KHDRBS1: variants seen among roughly 807,000 people sequenced by gnomAD.
KHDRBS1 encodes the protein KH domain-containing, RNA-binding, signal transduction-associated protein 1.
A neutral mutation model predicts 48.4 loss-of-function variants in KHDRBS1; 7 were observed. The ratio of observed to expected loss-of-function variants is 0.14; its 90% CI spans 0.08 to 0.27. The LOEUF (loss-of-function observed/expected upper bound fraction) is 0.27. KHDRBS1 is among the 10% of genes least tolerant of loss of function. KHDRBS1 has a pLI of 1.00. For synonymous variants in KHDRBS1, 241 were observed against 235.8 expected (o/e 1.02, Z -0.20); for missense variants, 458 against 601.2 (o/e 0.76, Z 2.49).
At chr1:32,053,121 C>A (rs752933667) in intron 10 of KHDRBS1, among the ~76,000 whole-genome samples, 11 of 152,124 alleles carry the variant, frequency 7.2e-5, no homozygotes, top group Non-Finnish European at 1.3e-4. Context: ...ACACTATACT[C>A]CAGCTTGGGT....
chr1:32,013,924 C>T lies in KHDRBS1; in HGVS notation c.-72C>T. The T allele has an allele frequency of 1.5e-6, 2 of 1,332,986 alleles. No individual in the cohort carries two copies. Among genetic ancestry groups the T allele is most frequent in the African/African-American group, 1.5e-5 (1 of 64,908 alleles). 82.6% of individuals were successfully genotyped at this position (1,332,986 alleles called of 1,614,324 possible). A position where few individuals can be genotyped will look rare whatever the true frequency, so the allele number is the denominator to read the frequency against. On this transcript the variant is annotated 5_prime_UTR_variant, in exon 1 of 9. Coordinates refer to ENST00000327300, the MANE Select transcript of KHDRBS1 (RefSeq NM_006559.3). ...CGCTACCGCTCCCGCTCTGCCACCC[C>T]CGCCAACCGCCGCTCGGGCCTCCGT...
At chr1:32,055,377 G>A (rs1028457642) in intron 10 of KHDRBS1, among the ~76,000 whole-genome samples, 2 of 152,074 alleles carry the variant, frequency 1.3e-5, no homozygotes, top group African/African-American at 4.8e-5. Context: ...GAACCTGGGA[G>A]GCGGAGGTTG....
At chr1:32,056,300 G>C (rs1055813598) in intron 10 of KHDRBS1, among the ~76,000 whole-genome samples, 1 of 151,828 alleles carries the variant, frequency 6.6e-6, no homozygotes, top group South Asian at 2.1e-4. Flanking sequence ...GGGTGGGGGC[G>C]GGGGTTGTCC....
At chr1:32,056,708 T>C (rs1426758159) in intron 10 of KHDRBS1, among the ~76,000 whole-genome samples, 1 of 152,230 alleles carries the variant, frequency 6.6e-6, no homozygotes, top group African/African-American at 2.4e-5. Context: ...AGCAAACAAA[T>C]TCTGCATCTG....
rs566080736 is a variant in KHDRBS1, at chr1:32,018,227, G to A, written c.382+3850G>A. ...TGTAATCCCAGCACTTTGGGAGGCC[G>A]AGGCAGGCAAAGCACGAGGTCAGGA... On this transcript the variant is annotated intron_variant, in intron 1 of 8. Transcript: ENST00000327300. Among the ~76,000 whole-genome samples, 5 of 151,838 alleles carry A rather than the reference G, an allele frequency of 3.3e-5. No individual in the cohort carries two copies. The South Asian group carries it at 6.2e-4, about 19-fold the overall frequency.
chr1:32,037,956 C>T lies in KHDRBS1; in HGVS notation c.1027C>T (p.Pro343Ser), dbSNP rs769709814. 2 of 1,614,240 alleles carry T rather than the reference C, an allele frequency of 1.2e-6. No individual in the cohort carries two copies. Among genetic ancestry groups the T allele is most frequent in the South Asian group, 1.1e-5 (1 of 91,086 alleles). ...VPPPPTVRGA[P>S]APRARTAGIQ... ...ACCCCCACCTACTGTGAGGGGTGCT[C>T]CAGCACCAAGAGCACGGACAGCGGG... is the stretch of plus-strand genomic sequence containing the variant. Residue 343 changes from proline to serine, a missense_variant, in exon 6 of 9, where the codon CCA (proline) becomes TCA (serine). Physicochemically the swap from Pro to Ser is moderately conservative, Grantham distance 74. Coordinates refer to ENST00000327300, the MANE Select transcript of KHDRBS1 (RefSeq NM_006559.3).
At chr1:32,037,664 TG>T (rs993596348) in intron 5 of KHDRBS1, among the ~76,000 whole-genome samples, 170 bp from the exon 6 acceptor site, 1 of 152,216 alleles carries the variant, frequency 6.6e-6, no homozygotes, top group African/African-American at 2.4e-5. Context: ...CTATAGGACC[TG>T]GGGGATCTTG....
In KHDRBS1 at chr1:32,025,043, G is replaced by A. The variant is rs150816301; in HGVS notation, c.383-5255G>A. 1.6e-3 allele frequency among the ~76,000 whole-genome samples: 241 copies of A among 151,900 alleles called. 2 individuals are homozygous for A. The East Asian group carries it at 0.021, about 13-fold the overall frequency. On this transcript the variant is annotated intron_variant, in intron 1 of 8. Transcript: ENST00000327300. Reference sequence around the variant, plus strand: ...AGCACTTTGGGAGGCCGAAGTGGAAGGATCATTTGAGCCCAGGAGTTCAAG... The same window carrying A: ...AGCACTTTGGGAGGCCGAAGTGGAAAGATCATTTGAGCCCAGGAGTTCAAG...
intron 10 of KHDRBS1, among the ~76,000 whole-genome samples, chr1:32,058,151 G>T (rs1238737618): frequency 6.6e-6 from 1 of 150,498 alleles, no homozygotes; most frequent in South Asian, 2.1e-4. Context: ...TCACTGCATT[G>T]ATCATAGCTC....
chr1:32,022,874 A>G (rs1638889176), intron 1 of KHDRBS1, among the ~76,000 whole-genome samples: 1 of 151,658 alleles, frequency 6.6e-6, no homozygotes, highest in South Asian at 2.1e-4. Context: ...TGGGTGACAG[A>G]GCAAGACCCT....
downstream of KHDRBS1, among the ~76,000 whole-genome samples, chr1:32,046,191 TTTTTTTTGG>T (rs1639354005): frequency 6.6e-6 from 1 of 151,948 alleles, no homozygotes; most frequent in Admixed American, 6.6e-5. Flanking sequence ...TATTTCTTTT[TTTTTTTTGG>T]TTTTTTTGGT....
At chr1:32,056,424 G>A (rs1385239990) in intron 10 of KHDRBS1, among the ~76,000 whole-genome samples, 1 of 152,146 alleles carries the variant, frequency 6.6e-6, no homozygotes, top group Non-Finnish European at 1.5e-5. Context: ...CCAGAAATTT[G>A]GGTACTATTT....
At chr1:32,045,090 G>A (rs1189911589), downstream of KHDRBS1, among the ~76,000 whole-genome samples, 4 of 152,180 alleles carry the variant, frequency 2.6e-5, no homozygotes, top group African/African-American at 7.2e-5. Context: ...TTCAATGACT[G>A]TAGATTAGAC....
chr1:32,054,916 C>G (rs1639462350), intron 10 of KHDRBS1, among the ~76,000 whole-genome samples: 1 of 152,108 alleles, frequency 6.6e-6, no homozygotes, highest in Non-Finnish European at 1.5e-5. Flanking sequence ...CACAAACAAC[C>G]CTGTGAAGCA....
intron 4 of KHDRBS1, among the ~76,000 whole-genome samples, chr1:32,036,649 T>G (rs72878607): frequency 0.044 from 6,730 of 151,858 alleles, 486 homozygotes; most frequent in African/African-American, 0.15. Flanking sequence ...GGCTTGTGAG[T>G]AGGTTATATA....
chr1:32,031,869 CTG>C (rs1639086200), intron 3 of KHDRBS1, among the ~76,000 whole-genome samples: 1 of 152,134 alleles, frequency 6.6e-6, no homozygotes, highest in Non-Finnish European at 1.5e-5. Flanking sequence ...GACTTTTTGA[CTG>C]TGTAGTAATG....
chr1:32,036,813 A>G lies in KHDRBS1; in HGVS notation c.772-97A>G. 5 of 1,352,014 alleles carry G rather than the reference A, an allele frequency of 3.7e-6. No individual in the cohort carries two copies. In the South Asian group the frequency reaches 7.3e-5, roughly 20 times the overall value. 83.8% of individuals were successfully genotyped at this position (1,352,014 alleles called of 1,614,324 possible). On this transcript the variant is annotated intron_variant, in intron 4 of 8. Coordinates refer to ENST00000327300, the MANE Select transcript of KHDRBS1 (RefSeq NM_006559.3). Reference sequence around the variant, plus strand: ...ACCTGAGACCTCATCTGGGCTCTCAAGAGCTCTTCTTAGAATTCAAGTCTC... The same window carrying G: ...ACCTGAGACCTCATCTGGGCTCTCAGGAGCTCTTCTTAGAATTCAAGTCTC...
At chr1:32,022,832 G>C (rs1003742826) in intron 1 of KHDRBS1, among the ~76,000 whole-genome samples, 6 of 152,000 alleles carry the variant, frequency 3.9e-5, no homozygotes, top group Admixed American at 2.0e-4. Context: ...GGAGGTTGCA[G>C]TGAGCCAAAA....
intron 1 of KHDRBS1, among the ~76,000 whole-genome samples, chr1:32,019,835 G>C (rs1032411347): frequency 6.6e-6 from 1 of 152,072 alleles, no homozygotes; most frequent in Non-Finnish European, 1.5e-5. Flanking sequence ...GCAGTGGCGC[G>C]ATCTTGGCTG....
Sources: allele counts gnomAD v4.1 joint callset (sites outside exome capture counted in the v4.1 genomes callset), GRCh38; gene constraint gnomAD v4.1.1; transcripts MANE v1.5; gene names NCBI Gene and HGNC (gene_info 2026-07-23, HGNC 2026-07-21).